The following ITPRIP variants were observed in gnomAD, a reference collection of about 807,000 sequenced individuals.
ITPRIP encodes inositol 1,4,5-trisphosphate receptor interacting protein, also known as inositol 1,4,5-trisphosphate receptor-interacting protein.
Under a neutral mutation model 35.8 loss-of-function variants are expected in ITPRIP, and 32 were observed. That is an observed-to-expected ratio of 0.89 (90% CI 0.68 to 1.20). The LOEUF (loss-of-function observed/expected upper bound fraction) is 1.20. Among genes scored for constraint, ITPRIP ranks in the 50% most tolerant of loss-of-function variants. The pLI, the probability that ITPRIP is intolerant of heterozygous loss-of-function variation, is 0.00. For synonymous variants in ITPRIP, 358 were observed against 324.0 expected (o/e 1.11, Z -1.13); for missense variants, 653 against 735.6 (o/e 0.89, Z 1.30).
chr10:104,338,106 C>G (rs544602171), intron 1 of ITPRIP, 140 bp downstream of exon 1: 2 of 152,838 alleles, frequency 1.3e-5, no homozygotes, highest in East Asian at 3.9e-4. Flanking sequence ...CAGCCCCCAC[C>G]CGGGAGGAGC....
intron 1 of ITPRIP, among the ~76,000 whole-genome samples, chr10:104,331,088 T>C (rs1420309789): frequency 6.6e-6 from 1 of 152,240 alleles, no homozygotes; most frequent in Admixed American, 6.5e-5. Flanking sequence ...GCCTGGGCTA[T>C]TTGAGATAAA....
intron 1 of ITPRIP, among the ~76,000 whole-genome samples, chr10:104,322,735 C>A (rs919180432): frequency 1.3e-5 from 2 of 152,186 alleles, no homozygotes; most frequent in African/African-American, 4.8e-5. Context: ...CTGGCCCTGG[C>A]GTCACGTTCA....
chr10:104,319,402 T>C (rs1296679694), intron 1 of ITPRIP, among the ~76,000 whole-genome samples: 2 of 152,166 alleles, frequency 1.3e-5, no homozygotes, highest in Non-Finnish European at 2.9e-5. Flanking sequence ...GAAAGTGCTC[T>C]GAAAGCACAA....
In ITPRIP at chr10:104,312,945, C is replaced by T. The variant is rs2013524809; in HGVS notation, c.*1463G>A. ...CGGTGAGATAGGAAATCTCAAAGGG[C>T]CAGTGAAGCCACAGGTGGAAAAGAG... On this transcript the variant is annotated 3_prime_UTR_variant, in exon 2 of 2. Coordinates refer to ENST00000337478, the MANE Select transcript of ITPRIP (RefSeq NM_001272013.2). 6 of 985,406 alleles carry T rather than the reference C, an allele frequency of 6.1e-6. No homozygotes were observed. The highest frequency in any genetic ancestry group is 7.2e-6 in the Non-Finnish European group (6 of 829,946). 61.0% of individuals were successfully genotyped at this position (985,406 alleles called of 1,614,324 possible). A position where few individuals can be genotyped will look rare whatever the true frequency, so the allele number is the denominator to read the frequency against.
intron 1 of ITPRIP, among the ~76,000 whole-genome samples, chr10:104,316,486 G>C (rs927805757): frequency 5.3e-5 from 8 of 152,178 alleles, no homozygotes; most frequent in Non-Finnish European, 1.2e-4. Flanking sequence ...GGGCCAATGA[G>C]AGACAGATGT....
At position 104,328,320 on chromosome 10, in the gene ITPRIP, A is replaced by G; in HGVS notation, c.-14+9926T>C. 1.0e-6 allele frequency: 1 copy of G among 983,298 alleles called. No individual in the cohort carries two copies. Among genetic ancestry groups the G allele is most frequent in the Non-Finnish European group, 1.2e-6 (1 of 828,052 alleles). The allele number at this position is 983,298 out of a possible 1,614,324, so 60.9% of individuals were successfully genotyped here. ...GCCCTGTGGCCGCATCTCACCCACA[A>G]GGGTGCTGGTTTGGAGAGAGCATGA... is the stretch of plus-strand genomic sequence containing the variant. On this transcript the variant is annotated intron_variant, in intron 1 of 1. Coordinates refer to ENST00000337478, the MANE Select transcript of ITPRIP (RefSeq NM_001272013.2). The surrounding 1 kb of genome is among the most constrained non-coding windows in gnomAD (Gnocchi z 4.1).
intron 1 of ITPRIP, among the ~76,000 whole-genome samples, chr10:104,321,087 T>C (rs1279240895): frequency 6.6e-6 from 1 of 152,168 alleles, no homozygotes; most frequent in Non-Finnish European, 1.5e-5. Flanking sequence ...TGCATGTTCT[T>C]GCACATACCA....
intron 1 of ITPRIP, among the ~76,000 whole-genome samples, chr10:104,325,492 C>A (rs1334885105): frequency 1.3e-5 from 2 of 152,238 alleles, no homozygotes; most frequent in Non-Finnish European, 2.9e-5. Context: ...TAATCCTAAC[C>A]AGCACTTATG....
At chr10:104,323,163 C>T (rs2013900017) in intron 1 of ITPRIP, among the ~76,000 whole-genome samples, 1 of 152,096 alleles carries the variant, frequency 6.6e-6, no homozygotes, top group East Asian at 1.9e-4. Flanking sequence ...TCCCAGGGAG[C>T]ACCTGGCAGT....
chr10:104,318,675 C>T (rs2013755159), intron 1 of ITPRIP, among the ~76,000 whole-genome samples: 1 of 152,188 alleles, frequency 6.6e-6, no homozygotes. Context: ...AAGGGACCAA[C>T]TCTGTGTGCA....
At chr10:104,331,432 C>A (rs554329908) in intron 1 of ITPRIP, among the ~76,000 whole-genome samples, 45 of 152,266 alleles carry the variant, frequency 3.0e-4, no homozygotes, top group African/African-American at 1.1e-3. Flanking sequence ...TTTGCACTAG[C>A]GGGCAGGGCC....
In ITPRIP at chr10:104,328,145, G is replaced by T; in HGVS notation, c.-14+10101C>A. On this transcript the variant is annotated intron_variant, in intron 1 of 1. Coordinates refer to ENST00000337478, the MANE Select transcript of ITPRIP (RefSeq NM_001272013.2). The surrounding 1 kb of genome is among the most constrained non-coding windows in gnomAD (Gnocchi z 4.1). ...TTGCAGGAAGGATGCCTCTCCCACA[G>T]CCAGCCTGCAGGGGAAGGTCTCCCT... The T allele has an allele frequency of 1.2e-6, 1 of 863,476 alleles. No individual in the cohort carries two copies. The highest frequency in any genetic ancestry group is 1.4e-6 in the Non-Finnish European group (1 of 718,734). The allele number at this position is 863,476 out of a possible 1,614,324, so 53.5% of individuals were successfully genotyped here.
rs138641962 is a variant in ITPRIP at position 104,315,700 on chromosome 10, C to G, written c.352G>C (p.Gly118Arg). Residue 118 changes from glycine to arginine, a missense_variant, in exon 2 of 2, where the codon GGT becomes CGT. Transcript: ENST00000337478. The surrounding 1 kb of genome is among the most constrained non-coding windows in gnomAD (Gnocchi z 5.7). ...QEGPSPECLGGEEDELPGLGG... is the reference protein window; with the variant it reads ...QEGPSPECLGREEDELPGLGG... ...AGCCCAGGCAGCTCATCCTCCTCAC[C>G]GCCCAGGCACTCAGGTGAGGGCCCC... 6.2e-6 allele frequency: 10 copies of G among 1,613,340 alleles called. No individual in the cohort carries two copies. In the African/African-American group the frequency reaches 1.3e-4, roughly 22 times the overall value.
chr10:104,334,901 G>A (rs549028479), intron 1 of ITPRIP, among the ~76,000 whole-genome samples: 11 of 152,332 alleles, frequency 7.2e-5, no homozygotes, highest in African/African-American at 2.4e-4. Context: ...TGATGTTTGC[G>A]AAGTCTCCTT....
chr10:104,328,262 G>A lies in ITPRIP; in HGVS notation c.-14+9984C>T, dbSNP rs1165444382. 3.0e-6 allele frequency: 3 copies of A among 985,280 alleles called. No homozygotes were observed. The highest frequency in any genetic ancestry group is 2.4e-6 in the Non-Finnish European group (2 of 829,954). The allele number at this position is 985,280 out of a possible 1,614,324, so 61.0% of individuals were successfully genotyped here. A position where few individuals can be genotyped will look rare whatever the true frequency, so the allele number is the denominator to read the frequency against. ...ACTTCCCGTTGTCCTACATTGGCTT[G>A]GTCTGGGCTCGTATTCCTCCGAATT... On this transcript the variant is annotated intron_variant, in intron 1 of 1. Transcript: ENST00000337478. The surrounding 1 kb of genome is among the most constrained non-coding windows in gnomAD (Gnocchi z 4.1).
At chr10:104,317,233 T>G (rs944395004) in intron 1 of ITPRIP, among the ~76,000 whole-genome samples, 7 of 152,236 alleles carry the variant, frequency 4.6e-5, no homozygotes, top group African/African-American at 1.4e-4. Flanking sequence ...ATGTGAACTT[T>G]AAATCTAACT....
rs763218198 is a variant in ITPRIP at position 104,315,627 on chromosome 10, A to C, written c.425T>G (p.Leu142Arg). ...GATGCAGCGCTCATAAAAGTGGCCA[A>C]GCGTGGCCTTGTTGGGCAGGGTGAG... ...QGLTLPNKAT[L>R]GHFYERCIRG... Residue 142 changes from leucine to arginine, a missense_variant, in exon 2 of 2, where the codon CTT becomes CGT. Leu to Arg is a moderately radical substitution (Grantham distance 102). Transcript: ENST00000337478. The surrounding 1 kb of genome is among the most constrained non-coding windows in gnomAD (Gnocchi z 5.7). The C allele has an allele frequency of 6.2e-7, 1 of 1,612,830 alleles. No individual in the cohort carries two copies. Among genetic ancestry groups the C allele is most frequent in the Non-Finnish European group, 8.5e-7 (1 of 1,179,862 alleles).
rs779947329 is a variant in ITPRIP at position 104,314,621 on chromosome 10, G to C, written c.1431C>G (p.Phe477Leu). 1.2e-6 allele frequency: 2 copies of C among 1,614,180 alleles called. No homozygotes were observed. Among genetic ancestry groups the C allele is most frequent in the Non-Finnish European group, 1.7e-6 (2 of 1,180,030 alleles). Residue 477 changes from phenylalanine to leucine, a missense_variant, in exon 2 of 2, where the codon TTC (phenylalanine) becomes TTG (leucine). Physicochemically the swap from Phe to Leu is conservative, Grantham distance 22. Transcript: ENST00000337478. ...KSLLQKKLHH[F>L]FIGNRKVPEA... is the part of the protein sequence containing the mutation. Reference sequence around the variant, plus strand: ...CAGGCACCTTGCGGTTGCCGATGAAGAAGTGGTGGAGCTTCTTCTGGAGCA... The same window carrying C: ...CAGGCACCTTGCGGTTGCCGATGAACAAGTGGTGGAGCTTCTTCTGGAGCA...
Position 104,315,569 on chromosome 10 carries a change from C to G in ITPRIP, c.483G>C (p.Arg161=). ...CATCCACGAAGCCTTCCAGGAACTC[C>G]CGGGTACGGGCTGCATCGGCCGTGG... The part of the protein sequence containing the change: ...RGATADAART[R]EFLEGFVDDL... The change falls in exon 2 of 2, where the codon CGG becomes CGC. Residue 161 remains arginine (R), a synonymous_variant. Coordinates refer to ENST00000337478, the MANE Select transcript of ITPRIP (RefSeq NM_001272013.2). The surrounding 1 kb of genome is among the most constrained non-coding windows in gnomAD (Gnocchi z 5.7). 4 of 1,614,064 alleles carry G rather than the reference C, an allele frequency of 2.5e-6. No individual in the cohort carries two copies. The highest frequency in any genetic ancestry group is 3.4e-6 in the Non-Finnish European group (4 of 1,180,016).
Sources: gnomAD v4.1 joint callset for allele counts (sites outside exome capture counted in the v4.1 genomes callset) on GRCh38, gnomAD v4.1.1 for gene constraint, Gnocchi (gnomAD v3.1) non-coding constraint, MANE v1.5 for transcripts, NCBI Gene and HGNC (gene_info 2026-07-23, HGNC 2026-07-21) for gene names.